IFT74: variants seen among roughly 807,000 people sequenced by gnomAD.
IFT74 encodes intraflagellar transport protein 74 homolog.
IFT74 carries 92 observed loss-of-function variants against 96.7 expected under a neutral mutation model. The ratio of observed to expected loss-of-function variants is 0.95; its 90% confidence interval spans 0.80 to 1.13. IFT74 has a LOEUF of 1.13. Among genes scored for constraint, IFT74 ranks in the 50% most tolerant of loss-of-function variants. IFT74 has a pLI of 0.00. For synonymous variants in IFT74, 223 were observed against 213.2 expected (o/e 1.05, Z -0.40); for missense variants, 811 against 698.2 (o/e 1.16, Z -1.82).
At chr9:27,058,243 A>G (rs1200916301) in intron 18 of IFT74, among the ~76,000 whole-genome samples, 2 of 151,800 alleles carry the variant, frequency 1.3e-5, no homozygotes, top group Non-Finnish European at 1.5e-5. Flanking sequence ...ACAGACCACC[A>G]TGCTCAGCCA....
chr9:27,009,569 T>A (rs1828949034), intron 9 of IFT74, among the ~76,000 whole-genome samples: 1 of 152,172 alleles, frequency 6.6e-6, no homozygotes, highest in African/African-American at 2.4e-5. Context: ...AGTTACAGAC[T>A]TTTAATGCAA....
At position 26,961,932 on chromosome 9, in the gene IFT74, T is replaced by C. The variant is rs774695217; in HGVS notation, c.-19-17T>C. 2.5e-6 allele frequency: 4 copies of C among 1,613,470 alleles called. No individual in the cohort carries two copies. Among genetic ancestry groups the C allele is most frequent in the Non-Finnish European group, 3.4e-6 (4 of 1,179,480 alleles). On this transcript the variant is annotated splice_polypyrimidine_tract_variant and intron_variant, in intron 1 of 19. Coordinates refer to ENST00000380062, the MANE Select transcript of IFT74 (RefSeq NM_025103.4). ...AGAAGACATCAAAGGATTGAACTAT[T>C]TATTGTTTCCAAACAGCGATTAAAG...
intron 8 of IFT74, among the ~76,000 whole-genome samples, chr9:27,004,505 T>C (rs1290715184): frequency 6.6e-6 from 1 of 152,230 alleles, no homozygotes; most frequent in Non-Finnish European, 1.5e-5. Flanking sequence ...ATCATGACAC[T>C]GAGTAAGTCC....
upstream of IFT74, among the ~76,000 whole-genome samples, chr9:26,951,714 C>A (rs907800288): frequency 3.3e-5 from 5 of 152,154 alleles, no homozygotes; most frequent in African/African-American, 9.7e-5. Flanking sequence ...CCCTGGGCAA[C>A]ACAGTGAAAC....
chr9:27,058,388 C>T (rs550707692), intron 18 of IFT74, among the ~76,000 whole-genome samples: 14 of 151,674 alleles, frequency 9.2e-5, no homozygotes, highest in Non-Finnish European at 2.1e-4. Context: ...TGTGCTTAGC[C>T]TTTTTTTTCT....
intron 13 of IFT74, among the ~76,000 whole-genome samples, chr9:27,034,793 G>C (rs968040308): frequency 1.3e-5 from 2 of 152,220 alleles, no homozygotes; most frequent in Non-Finnish European, 2.9e-5. Flanking sequence ...GCCTCCCAAA[G>C]TGTTGGGATT....
chr9:26,991,784 A>T (rs1827888724), intron 8 of IFT74, among the ~76,000 whole-genome samples: 1 of 152,148 alleles, frequency 6.6e-6, no homozygotes, highest in South Asian at 2.1e-4. Flanking sequence ...TAATCCCAGC[A>T]CTTTGGGAGG....
At chr9:26,968,216 A>G (rs1826712617) in intron 2 of IFT74, among the ~76,000 whole-genome samples, 1 of 151,756 alleles carries the variant, frequency 6.6e-6, no homozygotes, top group Non-Finnish European at 1.5e-5. Flanking sequence ...TGAAGTCATC[A>G]GGTCCTGAGC....
intron 8 of IFT74, chr9:26,997,744 T>C: frequency 6.2e-7 from 1 of 1,602,450 alleles, no homozygotes; most frequent in Non-Finnish European, 8.5e-7. Context: ...TCACATTTGA[T>C]GTGTTCAACC....
intron 8 of IFT74, among the ~76,000 whole-genome samples, chr9:27,004,570 T>TA (rs1828676424): frequency 6.6e-6 from 1 of 152,198 alleles, no homozygotes; most frequent in African/African-American, 2.4e-5. Flanking sequence ...GAAAATCAGA[T>TA]ACGCAGAATA....
chr9:27,054,940 G>C (rs138966684), intron 16 of IFT74, among the ~76,000 whole-genome samples: 8 of 152,252 alleles, frequency 5.3e-5, no homozygotes, highest in Admixed American at 2.0e-4. Flanking sequence ...ATGTGTGATA[G>C]GTAAACTTAA....
At chr9:27,035,085 C>T (rs1163802887) in intron 13 of IFT74, among the ~76,000 whole-genome samples, 2 of 152,096 alleles carry the variant, frequency 1.3e-5, no homozygotes, top group Non-Finnish European at 2.9e-5. Context: ...AAATGGTAAA[C>T]ATATATAAAC....
chr9:26,988,198 C>T (rs1232665302), intron 6 of IFT74, among the ~76,000 whole-genome samples: 8 of 152,148 alleles, frequency 5.3e-5, no homozygotes, highest in Non-Finnish European at 1.0e-4. Context: ...GTGATCCGCC[C>T]GCGTCAGCCT....
At position 27,011,958 on chromosome 9, in the gene IFT74, G is replaced by T. The variant is rs755324260; in HGVS notation, c.779G>T (p.Ser260Ile). The change falls in exon 10 of 20, where the codon AGC (serine) becomes ATC (isoleucine). Residue 260 changes from serine to isoleucine, a missense_variant. Transcript: ENST00000380062. ...QLDSQNMKKESLEAEIAHSQV... is the reference protein window; with the variant it reads ...QLDSQNMKKEILEAEIAHSQV... ...GATTCACAGAACATGAAAAAAGAGA[G>T]CCTGGAAGCAGTAAGTATAAAATCA... The T allele has an allele frequency of 2.5e-5, 40 of 1,580,774 alleles. No homozygotes were observed. In the East Asian group the frequency reaches 8.7e-4, roughly 35 times the overall value.
rs2131601230 is a variant in IFT74, at chr9:27,009,145, A to G, written c.713A>G (p.Glu238Gly). Residue 238 changes from glutamate (E) to glycine (G), a missense_variant, in exon 9 of 20, where the codon GAG becomes GGG. Transcript: ENST00000380062. ...TACCTAGAGATGAAAACCACAAATG[A>G]GAAACTGTTACAGGTAATACAAATT... The part of the protein sequence containing the change: ...VKYLEMKTTN[E>G]KLLQELDTLQ... 1.2e-6 allele frequency: 2 copies of G among 1,612,456 alleles called. No individual in the cohort carries two copies. Among genetic ancestry groups the G allele is most frequent in the Non-Finnish European group, 1.7e-6 (2 of 1,179,134 alleles).
chr9:27,062,498 G>A, intron 19 of IFT74, 120 bp from the exon 20 acceptor site: 1 of 595,544 alleles, frequency 1.7e-6, no homozygotes, highest in South Asian at 2.5e-5. Flanking sequence ...GTATTTTAAA[G>A]TATTCTAATT....
chr9:26,985,158 A>T (rs1274068883), intron 6 of IFT74, among the ~76,000 whole-genome samples: 1 of 152,184 alleles, frequency 6.6e-6, no homozygotes, highest in Admixed American at 6.5e-5. Context: ...TTGCAGGAAC[A>T]TGGATGGAGC....
At chr9:27,005,910 G>A (rs1350765639) in intron 8 of IFT74, among the ~76,000 whole-genome samples, 2 of 152,054 alleles carry the variant, frequency 1.3e-5, no homozygotes, top group African/African-American at 2.4e-5. Context: ...CATGATCTCG[G>A]CTCAATGCAA....
At chr9:27,019,788 A>T (rs532417274) in intron 12 of IFT74, among the ~76,000 whole-genome samples, 4 of 151,876 alleles carry the variant, frequency 2.6e-5, no homozygotes, top group African/African-American at 9.7e-5. Flanking sequence ...TCTCTTGTAT[A>T]TATACCTAGG....
Sources: gnomAD v4.1 joint callset for allele counts (sites outside exome capture counted in the v4.1 genomes callset) on GRCh38, gnomAD v4.1.1 for gene constraint, MANE v1.5 for transcripts, NCBI Gene and HGNC (gene_info 2026-07-23, HGNC 2026-07-21) for gene names.